Variants in ADAD1 observed in about 807,000 individuals in gnomAD.
ADAD1 encodes the protein adenosine deaminase domain-containing protein 1.
Under a neutral mutation model 66.8 loss-of-function variants are expected in ADAD1, and 46 were observed. The observed-to-expected ratio is 0.69, with a 90% CI of 0.54 to 0.88. ADAD1 has a LOEUF of 0.88. Ranked by LOEUF, ADAD1 falls within the 40% of genes least tolerant of loss-of-function variation. ADAD1 has a pLI of 0.00. For synonymous variants in ADAD1, 248 were observed against 229.4 expected (o/e 1.08, Z -0.73); for missense variants, 617 against 681.8 (o/e 0.91, Z 1.06).
intron 9 of ADAD1, among the ~76,000 whole-genome samples, chr4:122,411,818 A>C (rs1388164914): frequency 6.6e-6 from 1 of 152,182 alleles, no homozygotes; most frequent in East Asian, 1.9e-4. Flanking sequence ...CCTGTGACTA[A>C]AAGTTCCATG....
At chr4:122,400,251 CTATT>C (rs1795910330) in intron 7 of ADAD1, among the ~76,000 whole-genome samples, 1 of 152,104 alleles carries the variant, frequency 6.6e-6, no homozygotes, top group East Asian at 1.9e-4. Context: ...TTTTCTTTAT[CTATT>C]GAGATGATCA....
intron 11 of ADAD1, among the ~76,000 whole-genome samples, chr4:122,415,845 C>T (rs1016774225): frequency 3.3e-5 from 5 of 151,924 alleles, no homozygotes; most frequent in African/African-American, 1.2e-4. Flanking sequence ...ATATAGCTTA[C>T]TGAAATTACA....
Position 122,413,194 on chromosome 4 carries a change from G to T in ADAD1, c.1249+385G>T, listed in dbSNP as rs1008200308. On this transcript the variant is annotated intron_variant, in intron 10 of 12. Coordinates refer to ENST00000296513, the MANE Select transcript of ADAD1 (RefSeq NM_139243.4). Reference sequence around the variant, plus strand: ...GGCCTTTCAATTTTCAAAGCACTCAGCATGCTGAAGTTTCATATTTTGAGG... The same window carrying T: ...GGCCTTTCAATTTTCAAAGCACTCATCATGCTGAAGTTTCATATTTTGAGG... 2.6e-5 allele frequency among the ~76,000 whole-genome samples: 4 copies of T among 152,114 alleles called. No individual in the cohort carries two copies. In the South Asian group the frequency reaches 8.3e-4, roughly 32 times the overall value.
intron 7 of ADAD1, among the ~76,000 whole-genome samples, chr4:122,397,687 C>A (rs975464480): frequency 6.6e-6 from 1 of 151,976 alleles, no homozygotes; most frequent in Non-Finnish European, 1.5e-5. Context: ...GGGAAAAATA[C>A]ATTTTTAAAA....
intron 5 of ADAD1, among the ~76,000 whole-genome samples, chr4:122,389,866 T>A (rs1354127494): frequency 6.6e-6 from 1 of 152,170 alleles, no homozygotes; most frequent in Admixed American, 6.6e-5. Context: ...TTAAGGTTAG[T>A]GTTGTTATGT....
At chr4:122,426,237 A>G (rs1261868124) in intron 12 of ADAD1, among the ~76,000 whole-genome samples, 1 of 152,178 alleles carries the variant, frequency 6.6e-6, no homozygotes, top group African/African-American at 2.4e-5. Context: ...TTGTCAGCAG[A>G]CACATTAGAT....
In ADAD1 at chr4:122,381,166, A is replaced by T. The variant is rs753230685; in HGVS notation, c.347A>T (p.Glu116Val). 6.4e-7 allele frequency: 1 copy of T among 1,558,902 alleles called. No individual in the cohort carries two copies. Among genetic ancestry groups the T allele is most frequent in the East Asian group, 2.3e-5 (1 of 42,708 alleles). Residue 116 changes from glutamate (E) to valine (V), a missense_variant, in exon 4 of 13, where the codon GAA becomes GTA. By Grantham distance (121) the Glu-to-Val change is moderately radical. Coordinates refer to ENST00000296513, the MANE Select transcript of ADAD1 (RefSeq NM_139243.4). ...CAGCGAGTTCAGCTTGACCTTAAGG[A>T]AACTGTGACAACAGGCAAGTGTAAA... is the stretch of plus-strand genomic sequence containing the variant. ...QMQRVQLDLK[E>V]TVTTGNVMGP... is the part of the protein sequence containing the mutation.
chr4:122,413,830 A>T (rs560417071), intron 10 of ADAD1, among the ~76,000 whole-genome samples: 9 of 136,402 alleles, frequency 6.6e-5, no homozygotes, highest in Non-Finnish European at 1.4e-4. Context: ...ATAACTTTTC[A>T]CGCTGCTGCT....
At chr4:122,397,803 A>G (rs1795786171) in intron 7 of ADAD1, among the ~76,000 whole-genome samples, 1 of 152,248 alleles carries the variant, frequency 6.6e-6, no homozygotes, top group Non-Finnish European at 1.5e-5. Flanking sequence ...TTCCTCATCC[A>G]TAGGGAATCT....
chr4:122,417,573 C>T (rs1796797116), intron 11 of ADAD1, among the ~76,000 whole-genome samples: 1 of 152,112 alleles, frequency 6.6e-6, no homozygotes. Context: ...CTAATAGAGA[C>T]AACAATTCAC....
At chr4:122,426,504 C>T (rs1199336193) in intron 12 of ADAD1, among the ~76,000 whole-genome samples, 1 of 151,976 alleles carries the variant, frequency 6.6e-6, no homozygotes, top group African/African-American at 2.4e-5. Flanking sequence ...ACCCTGGTAC[C>T]AAAAGTGGGC....
chr4:122,385,136 TCTTCTC>T (rs1795104315), intron 5 of ADAD1, among the ~76,000 whole-genome samples: 4 of 152,184 alleles, frequency 2.6e-5, no homozygotes, highest in African/African-American at 7.2e-5. Flanking sequence ...ATTTTTCTAG[TCTTCTC>T]CTTCTTATTC....
At chr4:122,384,069 A>T in intron 5 of ADAD1, 103 bp downstream of exon 5, 1 of 1,069,622 alleles carries the variant, frequency 9.3e-7, no homozygotes, top group Non-Finnish European at 1.3e-6. Context: ...GCTACAAGAT[A>T]GAAGTTGCAG....
In ADAD1 at chr4:122,381,125, C is replaced by T; in HGVS notation, c.306C>T (p.His102=). The T allele has an allele frequency of 6.3e-7, 1 of 1,596,288 alleles. No homozygotes were observed. The highest frequency in any genetic ancestry group is 8.5e-7 in the Non-Finnish European group (1 of 1,176,304). ...AGATAAATCCTGTGTCAGCCTTGCA[C>T]CAGTTTGCACAAATGCAGCGAGTTC... ...RGEINPVSAL[H]QFAQMQRVQL... is the part of the protein sequence containing the mutation. Residue 102 remains histidine (H), a synonymous_variant, in exon 4 of 13, where the codon CAC becomes CAT. Transcript: ENST00000296513.
intron 5 of ADAD1, among the ~76,000 whole-genome samples, chr4:122,387,674 T>TG (rs2150536550): frequency 1.3e-5 from 2 of 152,252 alleles, no homozygotes; most frequent in South Asian, 4.1e-4. Flanking sequence ...TTATATTGGC[T>TG]TTGGTTTGTC....
intron 11 of ADAD1, among the ~76,000 whole-genome samples, chr4:122,416,158 A>G (rs1796725308): frequency 6.6e-6 from 1 of 152,156 alleles, no homozygotes; most frequent in Non-Finnish European, 1.5e-5. Flanking sequence ...GACTCAAGCT[A>G]GGTTAAATAT....
At chr4:122,417,388 G>A (rs974780207) in intron 11 of ADAD1, among the ~76,000 whole-genome samples, 46 of 148,670 alleles carry the variant, frequency 3.1e-4, no homozygotes, top group African/African-American at 1.1e-3. Context: ...ATTAGACAAG[G>A]TGTAATTCAG....
chr4:122,414,292 C>A (rs1424887441), intron 10 of ADAD1, among the ~76,000 whole-genome samples: 2 of 127,148 alleles, frequency 1.6e-5, no homozygotes, highest in Admixed American at 8.7e-5. Flanking sequence ...GGGGGTACAA[C>A]TACTGTCATT....
Position 122,415,373 on chromosome 4 carries a change from T to C in ADAD1, c.1250-6T>C. The C allele has an allele frequency of 6.2e-7, 1 of 1,605,368 alleles. No homozygotes were observed. On this transcript the variant is annotated splice_region_variant and splice_polypyrimidine_tract_variant and intron_variant, in intron 10 of 12. Transcript: ENST00000296513. ...TGAACTTGAGTGTTTTGTTTTTGCT[T>C]TCTAGGTGATGGGAATTGCAGTGAT...
Sources: gnomAD v4.1 joint callset for allele counts (sites outside exome capture counted in the v4.1 genomes callset) on GRCh38, gnomAD v4.1.1 for gene constraint, MANE v1.5 for transcripts, NCBI Gene and HGNC (gene_info 2026-07-23, HGNC 2026-07-21) for gene names.